Variants in DNAJB13 observed in about 807,000 individuals in gnomAD.
DNAJB13 encodes DnaJ heat shock protein family (Hsp40) member B13, also known as dnaJ homolog subfamily B member 13.
A neutral mutation model predicts 35.6 loss-of-function variants in DNAJB13; 22 were observed. The ratio of observed to expected loss-of-function variants is 0.62; its 90% confidence interval spans 0.44 to 0.88. The LOEUF is 0.88. Among genes scored for constraint, DNAJB13 ranks in the 40% least tolerant of loss-of-function variants. DNAJB13 has a pLI of 0.00. For missense variants in DNAJB13, 370 were observed against 384.3 expected, an observed-to-expected ratio of 0.96 and a Z score of 0.31; for synonymous variants, 136 against 144.2, an observed-to-expected ratio of 0.94 and a Z score of 0.41.
rs187368568 is a variant in DNAJB13, at chr11:73,962,128, G to A, written c.334+2473G>A. 5.6e-3 allele frequency among the ~76,000 whole-genome samples: 851 copies of A among 152,278 alleles called. 11 individuals carry two copies. The highest frequency in any genetic ancestry group is 0.019 in the African/African-American group (810 of 41,568). ...TTTTTAATTACTGTCTTATTGATGG[G>A]TAGTTTCTTCCCAGTCTTTTGCTAA... On this transcript the variant is annotated intron_variant, in intron 3 of 7. Coordinates refer to ENST00000339764, the MANE Select transcript of DNAJB13 (RefSeq NM_153614.4).
rs146234337 is a variant in DNAJB13 at position 73,964,906 on chromosome 11, A to T, written c.363A>T (p.Val121=). 150 of 1,613,608 alleles carry T rather than the reference A, an allele frequency of 9.3e-5. No homozygotes were observed. In the African/African-American group the frequency reaches 1.7e-3, roughly 19 times the overall value. ...SEFFDAEGSE[V]DLNFGGLQGR... ...TTTTTGATGCAGAAGGAAGTGAGGTAGATTTGAACTTTGGGGGGCTCCAGG... is the reference window on the plus strand; with the variant it reads ...TTTTTGATGCAGAAGGAAGTGAGGTTGATTTGAACTTTGGGGGGCTCCAGG... The change falls in exon 4 of 8, where the codon GTA becomes GTT. Residue 121 remains valine (V), a synonymous_variant. Coordinates refer to ENST00000339764, the MANE Select transcript of DNAJB13 (RefSeq NM_153614.4).
At chr11:73,964,794 T>TCA in intron 3 of DNAJB13, 84 bp from the exon 4 acceptor site, 4 of 957,758 alleles carry the variant, frequency 4.2e-6, no homozygotes, top group Non-Finnish European at 6.3e-6. Context: ...TGTGTGTGTG[T>TCA]GTGTGTGTGT....
chr11:73,963,178 A>T (rs1950979895), intron 3 of DNAJB13, among the ~76,000 whole-genome samples: 1 of 151,838 alleles, frequency 6.6e-6, no homozygotes, highest in African/African-American at 2.4e-5. Context: ...ACAAACAAAC[A>T]AACAAAAACA....
chr11:73,966,095 G>A, intron 4 of DNAJB13, 43 bp from the exon 5 acceptor site: 1 of 1,563,628 alleles, frequency 6.4e-7, no homozygotes, highest in Non-Finnish European at 8.7e-7. Context: ...TGTACTCATG[G>A]AAGTCCTAAG....
At chr11:73,966,508 A>G (rs1951120767) in intron 5 of DNAJB13, among the ~76,000 whole-genome samples, 1 of 152,092 alleles carries the variant, frequency 6.6e-6, no homozygotes, top group African/African-American at 2.4e-5. Context: ...ATGGGGGCCC[A>G]GAGAAGAAAG....
chr11:73,963,446 C>A (rs1006577350), intron 3 of DNAJB13, among the ~76,000 whole-genome samples: 2 of 152,126 alleles, frequency 1.3e-5, no homozygotes, highest in Admixed American at 6.5e-5. Context: ...TTCAAAGGAG[C>A]CAAGTGAGTC....
At chr11:73,960,263 C>T (rs1005112404) in intron 3 of DNAJB13, among the ~76,000 whole-genome samples, 12 of 152,250 alleles carry the variant, frequency 7.9e-5, no homozygotes, top group Admixed American at 2.0e-4. Flanking sequence ...CTGCAACCTC[C>T]GCCTCCGGGG....
At chr11:73,953,437 G>A (rs1288903102) in intron 1 of DNAJB13, among the ~76,000 whole-genome samples, 2 of 152,166 alleles carry the variant, frequency 1.3e-5, no homozygotes, top group Non-Finnish European at 1.5e-5. Context: ...CGAGCTCCCC[G>A]AGTGTACAAT....
intron 1 of DNAJB13, 92 bp from the exon 2 acceptor site, chr11:73,958,225 G>A: frequency 7.7e-7 from 1 of 1,290,608 alleles, no homozygotes; most frequent in Non-Finnish European, 1.1e-6. Context: ...TTTATAGCTA[G>A]GCAGGAGTGA....
chr11:73,952,210 G>A (rs1300843310), intron 1 of DNAJB13, among the ~76,000 whole-genome samples: 1 of 152,204 alleles, frequency 6.6e-6, no homozygotes, highest in African/African-American at 2.4e-5. Flanking sequence ...GAGGCTGTTC[G>A]TGGTAATCAA....
intron 3 of DNAJB13, chr11:73,964,484 G>C: frequency 3.9e-6 from 1 of 254,010 alleles, no homozygotes; most frequent in South Asian, 4.0e-5. Flanking sequence ...GTCTCTTCTG[G>C]CACTCCTGAG....
At chr11:73,963,890 C>T (rs113974048) in intron 3 of DNAJB13, 11,928 of 152,152 alleles carry the variant, frequency 0.078, 710 homozygotes, top group African/African-American at 0.16. Flanking sequence ...AGCGATGCGG[C>T]GTGGCACAGT....
At position 73,968,444 on chromosome 11, in the gene DNAJB13, A is replaced by C; in HGVS notation, c.706A>C (p.Ile236Leu). Reference protein sequence around the residue: ...ENDNLFFVNPIPLGKALTCCT... With the variant: ...ENDNLFFVNPLPLGKALTCCT... ...TGACAACCTCTTCTTCGTGAACCCC[A>C]TCCCTCTTGGCAAGGTGAGTGGGCA... Residue 236 changes from isoleucine to leucine, a missense_variant, in exon 6 of 8, where the codon ATC becomes CTC. Coordinates refer to ENST00000339764, the MANE Select transcript of DNAJB13 (RefSeq NM_153614.4). The C allele has an allele frequency of 6.2e-7, 1 of 1,613,780 alleles. No individual in the cohort carries two copies. Among genetic ancestry groups the C allele is most frequent in the South Asian group, 1.1e-5 (1 of 91,068 alleles).
At position 73,964,765 on chromosome 11, in the gene DNAJB13, CTGTGTGTGTGTGTGTGTGTGTGTG is replaced by C. The variant is rs3222042; in HGVS notation, c.335-88_335-65del. The C allele has an allele frequency of 1.2e-4, 82 of 659,676 alleles. 1 individual carries two copies. In the Middle Eastern group the frequency reaches 1.4e-3, roughly 11 times the overall value. The allele number at this position is 659,676 out of a possible 1,614,324, so 40.9% of individuals were successfully genotyped here. A position where few individuals can be genotyped will look rare whatever the true frequency, so the allele number is the denominator to read the frequency against. On this transcript the variant is annotated intron_variant, in intron 3 of 7. Transcript: ENST00000339764. ...TGGGGAGCATATCTGGATAGGGAGGCTGTGTGTGTGTGTGTGTGTGTGTGTGTGTGTGTGTGTGTGTGTGTGTGC... is the reference window on the plus strand; with the variant it reads ...TGGGGAGCATATCTGGATAGGGAGGCTGTGTGTGTGTGTGTGTGTGTGTGC...
intron 1 of DNAJB13, among the ~76,000 whole-genome samples, chr11:73,957,417 G>T (rs1289877236): frequency 6.6e-6 from 1 of 152,164 alleles, no homozygotes; most frequent in Non-Finnish European, 1.5e-5. Flanking sequence ...CTGGGCGAAT[G>T]GTCCCTTTAT....
chr11:73,964,823 G>GCGCCCGCGCGCA (rs762920647), intron 3 of DNAJB13, 55 bp from the exon 4 acceptor site: 2 of 1,473,960 alleles, frequency 1.4e-6, no homozygotes. Context: ...GCGCGCGCGC[G>GCGCCCGCGCGCA]CATGTCTGGG....
intron 3 of DNAJB13, among the ~76,000 whole-genome samples, chr11:73,962,480 GGTAGGCGGAAGGATGGCTGA>G (rs56801184): frequency 6.6e-6 from 1 of 150,598 alleles, no homozygotes. Flanking sequence ...TGGATGGCTG[GGTAGGCGGAAGGATGGCTGA>G]GTAGGTGGAT....
chr11:73,954,644 A>T (rs1159555182), intron 1 of DNAJB13, among the ~76,000 whole-genome samples: 54 of 101,966 alleles, frequency 5.3e-4, no homozygotes, highest in African/African-American at 2.4e-3. Flanking sequence ...AAAAAAAATA[A>T]AATAAATAAA....
At chr11:73,967,329 A>C (rs1951145835) in intron 5 of DNAJB13, among the ~76,000 whole-genome samples, 1 of 152,202 alleles carries the variant, frequency 6.6e-6, no homozygotes, top group Middle Eastern at 3.2e-3. Context: ...ATACTATTTA[A>C]ATAAAAACAT....
Sources: gnomAD v4.1 joint callset for allele counts (sites outside exome capture counted in the v4.1 genomes callset) on GRCh38, gnomAD v4.1.1 for gene constraint, MANE v1.5 for transcripts, NCBI Gene and HGNC (gene_info 2026-07-23, HGNC 2026-07-21) for gene names.